DDX20: variants seen among roughly 807,000 people sequenced by gnomAD.
DDX20 encodes probable ATP-dependent RNA helicase DDX20.
In DDX20, 61 loss-of-function variants were observed where a neutral mutation model predicts 76.4. The observed-to-expected ratio is 0.80, with a 90% CI of 0.65 to 0.99. The LOEUF (loss-of-function observed/expected upper bound fraction) is 0.99, where lower values mean the gene tolerates loss of function less well. Among genes scored for constraint, DDX20 ranks in the 50% least tolerant of loss-of-function variants. The pLI, the probability that DDX20 is intolerant of heterozygous loss-of-function variation, is 0.00. For synonymous variants in DDX20, 357 were observed against 357.4 expected, an observed-to-expected ratio of 1.00 and a Z score of 0.01; for missense variants, 976 against 996.8, an observed-to-expected ratio of 0.98 and a Z score of 0.28.
Position 111,760,511 on chromosome 1 carries a change from C to T in DDX20, c.603C>T (p.Asn201=), listed in dbSNP as rs1449124992. The T allele has an allele frequency of 2.5e-6, 4 of 1,609,852 alleles. No homozygotes were observed. Among genetic ancestry groups the T allele is most frequent in the African/African-American group, 1.3e-5 (1 of 74,656 alleles). ...AACTCATAGAACTTGACTACTTGAACCCAGGCAGTATACGCCTCTTTATTC... is the reference window on the plus strand; with the variant it reads ...AACTCATAGAACTTGACTACTTGAATCCAGGCAGTATACGCCTCTTTATTC... The part of the protein sequence containing the change: ...IKQLIELDYL[N]PGSIRLFILD... Residue 201 remains asparagine, a synonymous_variant, in exon 4 of 11, where the codon AAC becomes AAT. Transcript: ENST00000369702.
rs993493929 is a variant in DDX20 at position 111,767,541 on chromosome 1, A to G, written c.*642A>G. 1 of 152,196 alleles carries G rather than the reference A, an allele frequency of 6.6e-6. No individual in the cohort carries two copies. Among genetic ancestry groups the G allele is most frequent in the Non-Finnish European group, 1.5e-5 (1 of 68,040 alleles). 9.4% of individuals were successfully genotyped at this position (152,196 alleles called of 1,614,324 possible). A position where few individuals can be genotyped will look rare whatever the true frequency, so the allele number is the denominator to read the frequency against. Reference sequence around the variant, plus strand: ...TCTTTTGAGGCTGTGAAAGCTGTCCACATTTTTGCTGTGTATTAAATAGCT... The same window carrying G: ...TCTTTTGAGGCTGTGAAAGCTGTCCGCATTTTTGCTGTGTATTAAATAGCT... On this transcript the variant is annotated 3_prime_UTR_variant, in exon 11 of 11. Coordinates refer to ENST00000369702, the MANE Select transcript of DDX20 (RefSeq NM_007204.5).
intron 10 of DDX20, among the ~76,000 whole-genome samples, chr1:111,764,331 A>T (rs1026997268): frequency 1.9e-4 from 29 of 152,216 alleles, no homozygotes; most frequent in African/African-American, 7.0e-4. Flanking sequence ...ACTTTGCAGA[A>T]TATAGGATAT....
At chr1:111,761,179 T>C (rs1358497398) in intron 6 of DDX20, 47 bp from the exon 7 acceptor site, 1 of 1,611,762 alleles carries the variant, frequency 6.2e-7, no homozygotes, top group Non-Finnish European at 8.5e-7. Flanking sequence ...AGGATAGTCA[T>C]GGGGCAATAT....
chr1:111,758,355 T>C (rs1663606499), intron 2 of DDX20, among the ~76,000 whole-genome samples: 1 of 39,790 alleles, frequency 2.5e-5, no homozygotes, highest in Non-Finnish European at 4.3e-5. Flanking sequence ...CTCCTAGTCC[T>C]TTTTTTTTTT....
At position 111,765,871 on chromosome 1, in the gene DDX20, C is replaced by G; in HGVS notation, c.1447C>G (p.Leu483Val). Reference protein sequence around the residue: ...KKQIQKIERTLQIQKAHGDHM... With the variant: ...KKQIQKIERTVQIQKAHGDHM... ...GCAAATTCAGAAAATAGAGAGAACC[C>G]TTCAAATTCAGAAAGCTCATGGTGA... Residue 483 changes from leucine (L) to valine (V), a missense_variant, in exon 11 of 11, where the codon CTT (leucine) becomes GTT (valine). This residue lies in a region of DDX20 where 630 missense variants were observed against 693.7 expected (regional missense o/e 0.91). Coordinates refer to ENST00000369702, the MANE Select transcript of DDX20 (RefSeq NM_007204.5). The G allele has an allele frequency of 6.2e-7, 1 of 1,614,104 alleles. No individual in the cohort carries two copies. Among genetic ancestry groups the G allele is most frequent in the Non-Finnish European group, 8.5e-7 (1 of 1,180,010 alleles).
chr1:111,766,537 A>AC lies in DDX20; in HGVS notation c.2118dup (p.Asn707GlnfsTer18), dbSNP rs765891493. 3.9e-5 allele frequency: 63 copies of AC among 1,613,964 alleles called. No homozygotes were observed. The highest frequency in any genetic ancestry group is 4.9e-5 in the Non-Finnish European group (58 of 1,179,998). ...GGAACAACCACCAAATGGAAGTGAC[A>AC]CCCCCAATCCAGAGAAATATCAAGA... On this transcript the variant is annotated frameshift_variant, in exon 11 of 11. Transcript: ENST00000369702. LOFTEE classifies it high-confidence loss of function.
At chr1:111,763,899 A>T (rs1222860945) in intron 10 of DDX20, among the ~76,000 whole-genome samples, 1 of 152,096 alleles carries the variant, frequency 6.6e-6, no homozygotes, top group Non-Finnish European at 1.5e-5. Flanking sequence ...ATTCTAAAAA[A>T]CCCTTGAGTG....
Position 111,756,366 on chromosome 1 carries a change from C to G in DDX20, c.301+141C>G, listed in dbSNP as rs1050517488. The G allele has an allele frequency of 4.5e-6, 4 of 881,834 alleles. No individual in the cohort carries two copies. The Admixed American group carries it at 1.4e-4, about 32-fold the overall frequency. 54.6% of individuals were successfully genotyped at this position (881,834 alleles called of 1,614,324 possible). A position where few individuals can be genotyped will look rare whatever the true frequency, so the allele number is the denominator to read the frequency against. ...GCAGGGCCCTGCCGGGGGCTAGGCG[C>G]TACGCTCAGTTAACTTATTTGTAAA... On this transcript the variant is annotated intron_variant, in intron 1 of 10. Coordinates refer to ENST00000369702, the MANE Select transcript of DDX20 (RefSeq NM_007204.5).
Position 111,764,337 on chromosome 1 carries a change from G to A in DDX20, c.1312+1330G>A, listed in dbSNP as rs116329070. ...ATATACATGACTTTGCAGAATATAGGATATGTAGTTATTGAATAAATATAA... is the reference window on the plus strand; with the variant it reads ...ATATACATGACTTTGCAGAATATAGAATATGTAGTTATTGAATAAATATAA... On this transcript the variant is annotated intron_variant, in intron 10 of 10. Coordinates refer to ENST00000369702, the MANE Select transcript of DDX20 (RefSeq NM_007204.5). 8.1e-3 allele frequency among the ~76,000 whole-genome samples: 1,228 copies of A among 152,180 alleles called. 15 individuals carry two copies. The highest frequency in any genetic ancestry group is 0.027 in the African/African-American group (1,126 of 41,512).
chr1:111,767,048 T>C lies in DDX20; in HGVS notation c.*149T>C. On this transcript the variant is annotated 3_prime_UTR_variant, in exon 11 of 11. Coordinates refer to ENST00000369702, the MANE Select transcript of DDX20 (RefSeq NM_007204.5). ...TCTTTCCACTGGGACACATCCATTTTTCAGATTGTTTTGATTTAGGCCAGG... is the reference window on the plus strand; with the variant it reads ...TCTTTCCACTGGGACACATCCATTTCTCAGATTGTTTTGATTTAGGCCAGG... 1 of 554,074 alleles carries C rather than the reference T, an allele frequency of 1.8e-6. No homozygotes were observed. The highest frequency in any genetic ancestry group is 3.1e-6 in the Non-Finnish European group (1 of 326,706). 34.3% of individuals were successfully genotyped at this position (554,074 alleles called of 1,614,324 possible).
rs752485015 is a variant in DDX20, at chr1:111,766,806, ATAT to A, written c.2387_2389del (p.Tyr796del). ...AATATTATGCTGCCGCTTCTCATTC[ATAT>A]TATTGGAATGCTCAGAGACATCCAA... On this transcript the variant is annotated inframe_deletion, in exon 11 of 11. Transcript: ENST00000369702. 6 of 1,614,122 alleles carry A rather than the reference ATAT, an allele frequency of 3.7e-6. No homozygotes were observed. Among genetic ancestry groups the A allele is most frequent in the African/African-American group, 1.3e-5 (1 of 75,054 alleles).
Position 111,759,384 on chromosome 1 carries a change from T to C in DDX20, c.397-16T>C, listed in dbSNP as rs753695249. The C allele has an allele frequency of 1.3e-6, 2 of 1,592,892 alleles. No homozygotes were observed. The highest frequency in any genetic ancestry group is 1.7e-6 in the Non-Finnish European group (2 of 1,169,878). On this transcript the variant is annotated splice_polypyrimidine_tract_variant and intron_variant, in intron 2 of 10. Transcript: ENST00000369702. ...ATTCCTCTGACTCAAAGGTGTAATT[T>C]ATGGTTTTTTTTTAGATTTTGATCT...
rs766080073 is a variant in DDX20, at chr1:111,767,470, AACAAATTTAAATATATTT to A, written c.*575_*592del. The A allele has an allele frequency of 4.9e-5, 7 of 143,766 alleles. No homozygotes were observed. Among genetic ancestry groups the A allele is most frequent in the Non-Finnish European group, 1.0e-4 (7 of 66,796 alleles). 8.9% of individuals were successfully genotyped at this position (143,766 alleles called of 1,614,324 possible). A position where few individuals can be genotyped will look rare whatever the true frequency, so the allele number is the denominator to read the frequency against. ...AGTAAAAATATTTGTTTTTAGTAAA[AACAAATTTAAATATATTT>A]ACATGTTTGTTGTTTATCTTTTGAA... On this transcript the variant is annotated 3_prime_UTR_variant, in exon 11 of 11. Coordinates refer to ENST00000369702, the MANE Select transcript of DDX20 (RefSeq NM_007204.5).
rs1433637850 is a variant in DDX20 at position 111,755,912 on chromosome 1, C to CG, written c.-11dup. 1 of 1,565,212 alleles carries CG rather than the reference C, an allele frequency of 6.4e-7. No individual in the cohort carries two copies. The highest frequency in any genetic ancestry group is 8.7e-7 in the Non-Finnish European group (1 of 1,151,824). On this transcript the variant is annotated 5_prime_UTR_variant, in exon 1 of 11. Transcript: ENST00000369702. ...TCCCCTTAAGCACCGCGAGATCTGA[C>CG]GGCGCGGCTACCATGGCGGCGGCAT...
intron 2 of DDX20, among the ~76,000 whole-genome samples, chr1:111,757,749 A>C (rs919454138): frequency 6.6e-6 from 1 of 152,200 alleles, no homozygotes; most frequent in East Asian, 1.9e-4. Context: ...AAATCCTCCT[A>C]CTTCCCAAGA....
intron 10 of DDX20, among the ~76,000 whole-genome samples, chr1:111,765,093 G>C (rs1391738529): frequency 6.6e-6 from 1 of 152,254 alleles, no homozygotes; most frequent in East Asian, 1.9e-4. Flanking sequence ...TGAAAGGTCT[G>C]AGTGTGGGAA....
At chr1:111,763,422 A>G (rs1663714121) in intron 10 of DDX20, among the ~76,000 whole-genome samples, 1 of 152,146 alleles carries the variant, frequency 6.6e-6, no homozygotes, top group Non-Finnish European at 1.5e-5. Context: ...AAATACAAAA[A>G]TTAGCTGGGC....
chr1:111,761,039 T>G lies in DDX20; in HGVS notation c.876T>G (p.Val292=). Residue 292 remains valine, a synonymous_variant, in exon 6 of 11, where the codon GTT becomes GTG. Coordinates refer to ENST00000369702, the MANE Select transcript of DDX20 (RefSeq NM_007204.5). ...ATTCATACCCTTTGGCACATAAGGT[T>G]TTTGAGGAAAAGACTCAGCATTTAC... ...VVNSYPLAHK[V]FEEKTQHLQE... is the part of the protein sequence containing the mutation. 6.2e-7 allele frequency: 1 copy of G among 1,613,966 alleles called. No homozygotes were observed. Among genetic ancestry groups the G allele is most frequent in the Non-Finnish European group, 8.5e-7 (1 of 1,179,918 alleles).
At position 111,766,715 on chromosome 1, in the gene DDX20, T is replaced by C. The variant is rs1343952195; in HGVS notation, c.2291T>C (p.Leu764Pro). The part of the protein sequence containing the change: ...DWYDCHREIR[L>P]SFSDTYQDYE... ...TATGACTGTCATAGGGAAATACGTC[T>C]GAGTTTTTCTGATACCTATCAGGAT... is the stretch of plus-strand genomic sequence containing the variant. Residue 764 changes from leucine (L) to proline (P), a missense_variant, in exon 11 of 11, where the codon CTG becomes CCG. Leu to Pro is a moderately conservative substitution (Grantham distance 98, BLOSUM62 -3). Transcript: ENST00000369702. The C allele has an allele frequency of 3.7e-6, 6 of 1,614,220 alleles. No individual in the cohort carries two copies. Among genetic ancestry groups the C allele is most frequent in the Non-Finnish European group, 5.1e-6 (6 of 1,180,010 alleles).
Sources: allele counts gnomAD v4.1 joint callset (sites outside exome capture counted in the v4.1 genomes callset), GRCh38; gene constraint gnomAD v4.1.1; regional missense constraint gnomAD v4.1.1; transcripts MANE v1.5; gene names NCBI Gene and HGNC (gene_info 2026-07-23, HGNC 2026-07-21).